The following SUPT6H variants were observed in gnomAD, a reference collection of about 807,000 sequenced individuals.
SUPT6H encodes transcription elongation factor SPT6.
A neutral mutation model predicts 222.3 loss-of-function variants in SUPT6H; 11 were observed. That is an observed-to-expected ratio of 0.05 (90% CI 0.03 to 0.08). The LOEUF (loss-of-function observed/expected upper bound fraction) is 0.08, where lower values mean the gene tolerates loss of function less well. Among genes scored for constraint, SUPT6H ranks in the 10% least tolerant of loss-of-function variants. SUPT6H has a pLI of 1.00. For synonymous variants in SUPT6H, 762 were observed against 801.2 expected, an observed-to-expected ratio of 0.95 and a Z score of 0.83; for missense variants, 1,422 against 2,216.0, an observed-to-expected ratio of 0.64 and a Z score of 7.19.
chr17:28,672,700 T>C (rs2030496839), intron 1 of SUPT6H: 1 of 151,582 alleles, frequency 6.6e-6, no homozygotes, highest in Non-Finnish European at 1.5e-5. Context: ...AGGAGTGAGC[T>C]ACCACGCCTG....
At chr17:28,695,646 G>T in intron 29 of SUPT6H, 99 bp downstream of exon 29, 2 of 1,357,294 alleles carry the variant, frequency 1.5e-6, no homozygotes, top group Non-Finnish European at 2.0e-6. Flanking sequence ...GTCTCCCAGT[G>T]GAAGTGGGGA....
intron 23 of SUPT6H, 150 bp downstream of exon 23, chr17:28,687,621 C>T: frequency 1.1e-6 from 1 of 903,152 alleles, no homozygotes; most frequent in Non-Finnish European, 1.6e-6. Flanking sequence ...AAGAGTCTGA[C>T]TTCAGACCCA....
At chr17:28,674,135 A>G (rs1481054008) in intron 2 of SUPT6H, 148 bp from the exon 3 acceptor site, 7 of 864,458 alleles carry the variant, frequency 8.1e-6, no homozygotes, top group Non-Finnish European at 1.2e-5. Flanking sequence ...GTCAATGGCT[A>G]TGTTTTGCAT....
intron 27 of SUPT6H, 80 bp downstream of exon 27, chr17:28,691,143 G>C: frequency 6.6e-7 from 1 of 1,511,530 alleles, no homozygotes; most frequent in East Asian, 2.4e-5. Flanking sequence ...TCAGAAATGA[G>C]GGTGTTCTAG....
intron 11 of SUPT6H, among the ~76,000 whole-genome samples, chr17:28,680,879 C>T (rs567773913): frequency 1.2e-4 from 19 of 152,270 alleles, no homozygotes; most frequent in African/African-American, 4.3e-4. Context: ...TATCTCCTGA[C>T]GTCGCGATCC....
intron 1 of SUPT6H, among the ~76,000 whole-genome samples, chr17:28,667,434 T>TATAG (rs1337771722): frequency 1.5e-5 from 2 of 135,204 alleles, no homozygotes; most frequent in Non-Finnish European, 1.6e-5. Context: ...TATATATATA[T>TATAG]ATGTATGTGT....
intron 11 of SUPT6H, 49 bp downstream of exon 11, chr17:28,679,012 G>A (rs780678410): frequency 6.2e-7 from 1 of 1,611,620 alleles, no homozygotes; most frequent in African/African-American, 1.3e-5. Flanking sequence ...CAGACCCCAA[G>A]GCTGGCCCTG....
chr17:28,694,473 A>C (rs1048605743), intron 28 of SUPT6H, among the ~76,000 whole-genome samples: 34 of 152,224 alleles, frequency 2.2e-4, no homozygotes, highest in African/African-American at 8.0e-4. Flanking sequence ...TCACCCAGTT[A>C]GTGATATAGC....
At chr17:28,692,067 T>C (rs1357461753) in intron 27 of SUPT6H, among the ~76,000 whole-genome samples, 4 of 151,530 alleles carry the variant, frequency 2.6e-5, no homozygotes, top group African/African-American at 9.7e-5. Context: ...CTCACTCCTG[T>C]AATCCCAGCA....
intron 1 of SUPT6H, chr17:28,670,539 T>C (rs1567685118): frequency 6.6e-6 from 1 of 152,186 alleles, no homozygotes; most frequent in Non-Finnish European, 1.5e-5. Context: ...TAAAACGATT[T>C]TATGGTCCTT....
intron 29 of SUPT6H, 93 bp from the exon 30 acceptor site, chr17:28,696,751 A>G (rs1338131478): frequency 2.5e-6 from 3 of 1,192,490 alleles, no homozygotes; most frequent in Middle Eastern, 2.0e-4. Context: ...CCCCAACTCA[A>G]TAAATAAATA....
chr17:28,681,792 G>C, intron 12 of SUPT6H, 90 bp from the exon 13 acceptor site: 2 of 1,141,372 alleles, frequency 1.8e-6, no homozygotes, highest in Non-Finnish European at 2.5e-6. Flanking sequence ...CCCTTGGCTG[G>C]GTACCCTTTG....
intron 26 of SUPT6H, 48 bp downstream of exon 26, chr17:28,690,277 T>G (rs1420769094): frequency 1.2e-6 from 2 of 1,602,414 alleles, no homozygotes; most frequent in Admixed American, 3.4e-5. Flanking sequence ...GTGTGTTTAC[T>G]GTGTACATTC....
chr17:28,681,801 T>C, intron 12 of SUPT6H, 81 bp from the exon 13 acceptor site: 1 of 1,281,478 alleles, frequency 7.8e-7, no homozygotes, highest in Admixed American at 2.2e-5. Flanking sequence ...GGGTACCCTT[T>C]GAGGCTTCTC....
At position 28,700,409 on chromosome 17, in the gene SUPT6H, C is replaced by T. The variant is rs765085633; in HGVS notation, c.4703C>T (p.Ala1568Val). ...ACTTCACAGATGTTCAGTGCCATTG[C>T]TGCGGTGACAGGCCAAGGACAGAAC... is the stretch of plus-strand genomic sequence containing the variant. ...NMTSQMFSAI[A>V]AVTGQGQNPN... Residue 1568 changes from alanine to valine, a missense_variant, in exon 35 of 37, where the codon GCT (alanine) becomes GTT (valine). Physicochemically the swap from Ala to Val is moderately conservative, Grantham distance 64. Transcript: ENST00000314616. 6 of 1,614,256 alleles carry T rather than the reference C, an allele frequency of 3.7e-6. No homozygotes were observed. Among genetic ancestry groups the T allele is most frequent in the South Asian group, 3.3e-5 (3 of 91,090 alleles).
intron 30 of SUPT6H, 30 bp downstream of exon 30, chr17:28,697,112 C>T (rs773244589): frequency 7.5e-6 from 12 of 1,591,448 alleles, no homozygotes; most frequent in Non-Finnish European, 8.6e-6. Flanking sequence ...CACCTCCCAT[C>T]CCACTCCTGC....
At position 28,697,654 on chromosome 17, in the gene SUPT6H, A is replaced by G. The variant is rs367919244; in HGVS notation, c.4244A>G (p.Tyr1415Cys). 34 of 1,614,078 alleles carry G rather than the reference A, an allele frequency of 2.1e-5. No individual in the cohort carries two copies. Among genetic ancestry groups the G allele is most frequent in the Non-Finnish European group, 2.6e-5 (31 of 1,180,042 alleles). ...GATTTGGATGAGATTGTTGCTCGCTATGTCCAGCCCATGGCATCCTTTGCC... is the reference window on the plus strand; with the variant it reads ...GATTTGGATGAGATTGTTGCTCGCTGTGTCCAGCCCATGGCATCCTTTGCC... ...FEDLDEIVAR[Y>C]VQPMASFARD... Residue 1415 changes from tyrosine to cysteine, a missense_variant, in exon 31 of 37, where the codon TAT becomes TGT. Tyr to Cys is a radical substitution (Grantham distance 194). Coordinates refer to ENST00000314616, the MANE Select transcript of SUPT6H (RefSeq NM_003170.5).
In SUPT6H at chr17:28,662,242, C is replaced by A. The variant is rs536179267; in HGVS notation, c.-132C>A. On this transcript the variant is annotated 5_prime_UTR_variant, in exon 1 of 37. Transcript: ENST00000314616. ...GCGGCGGCGGTGGCGGCGGAGGGGCCGTGCGGTGGGTCCGTACTATCTTTT... is the reference window on the plus strand; with the variant it reads ...GCGGCGGCGGTGGCGGCGGAGGGGCAGTGCGGTGGGTCCGTACTATCTTTT... 3.4e-5 allele frequency: 7 copies of A among 204,374 alleles called. No homozygotes were observed. Among genetic ancestry groups the A allele is most frequent in the Non-Finnish European group, 2.0e-5 (2 of 97,842 alleles). The allele number at this position is 204,374 out of a possible 1,614,324, so 12.7% of individuals were successfully genotyped here. A position where few individuals can be genotyped will look rare whatever the true frequency, so the allele number is the denominator to read the frequency against.
At chr17:28,687,993 G>T in intron 23 of SUPT6H, 98 bp from the exon 24 acceptor site, 1 of 1,374,980 alleles carries the variant, frequency 7.3e-7, no homozygotes. Flanking sequence ...ATACTGGGTG[G>T]GACAGAGTTT....
Sources: allele counts gnomAD v4.1 joint callset (sites outside exome capture counted in the v4.1 genomes callset), GRCh38; gene constraint gnomAD v4.1.1; transcripts MANE v1.5; gene names NCBI Gene and HGNC (gene_info 2026-07-23, HGNC 2026-07-21).